Variants in NIBAN1 observed in about 807,000 individuals in gnomAD.
NIBAN1 encodes niban apoptosis regulator 1.
NIBAN1 carries 81 observed loss-of-function variants against 75.1 expected under a neutral mutation model. The observed-to-expected ratio is 1.08, with a 90% confidence interval of 0.90 to 1.30. The LOEUF (loss-of-function observed/expected upper bound fraction) is 1.30. NIBAN1 is among the 50% of genes most tolerant of loss of function. The pLI, the probability that NIBAN1 is intolerant of heterozygous loss-of-function variation, is 0.00. For synonymous variants in NIBAN1, 436 were observed against 424.8 expected (o/e 1.03, Z -0.32); for missense variants, 1,133 against 1,128.1 (o/e 1.00, Z -0.06).
intron 9 of NIBAN1, among the ~76,000 whole-genome samples, chr1:184,817,576 G>A (rs1010840141): frequency 6.6e-6 from 1 of 152,226 alleles, no homozygotes; most frequent in Non-Finnish European, 1.5e-5. Context: ...TAACTGGCAT[G>A]AGGTGATATC....
chr1:184,866,300 T>A (rs979907707), intron 5 of NIBAN1, among the ~76,000 whole-genome samples: 2 of 152,168 alleles, frequency 1.3e-5, no homozygotes, highest in Non-Finnish European at 2.9e-5. Flanking sequence ...CCTGAAAGAT[T>A]AAGAAAGGTG....
chr1:184,819,561 T>A (rs1051742388), intron 8 of NIBAN1, among the ~76,000 whole-genome samples: 1 of 152,202 alleles, frequency 6.6e-6, no homozygotes, highest in Non-Finnish European at 1.5e-5. Context: ...GGGTAGGACA[T>A]GGAAACCTGC....
intron 1 of NIBAN1, among the ~76,000 whole-genome samples, chr1:184,955,496 G>A (rs1017047746): frequency 5.3e-5 from 8 of 151,770 alleles, no homozygotes; most frequent in Non-Finnish European, 7.4e-5. Flanking sequence ...GCACCACCAC[G>A]CCCGGCTAAA....
At chr1:184,854,006 T>C (rs1467341822) in intron 5 of NIBAN1, among the ~76,000 whole-genome samples, 1 of 152,252 alleles carries the variant, frequency 6.6e-6, no homozygotes, top group Non-Finnish European at 1.5e-5. Context: ...AGATTAATGA[T>C]AATGTTTTAT....
chr1:184,827,943 G>C (rs567609847), intron 6 of NIBAN1, among the ~76,000 whole-genome samples: 1 of 151,264 alleles, frequency 6.6e-6, no homozygotes, highest in Non-Finnish European at 1.5e-5. Flanking sequence ...CTAAAAATGC[G>C]GGTAGTTTTG....
intron 1 of NIBAN1, among the ~76,000 whole-genome samples, chr1:184,947,552 C>T (rs976426018): frequency 1.3e-5 from 2 of 152,142 alleles, no homozygotes; most frequent in African/African-American, 4.8e-5. Context: ...GTATATTTTC[C>T]AGCAATAATT....
intron 5 of NIBAN1, among the ~76,000 whole-genome samples, chr1:184,853,098 A>C (rs552762129): frequency 1.3e-5 from 2 of 152,248 alleles, no homozygotes; most frequent in Non-Finnish European, 2.9e-5. Context: ...AAACTATGAA[A>C]TATTACATCA....
In NIBAN1 at chr1:184,829,461, A is replaced by ACTCTTTTTT. The variant is rs1389813381; in HGVS notation, c.717+2385_717+2386insAAAAAAGAG. On this transcript the variant is annotated intron_variant, in intron 6 of 13. Transcript: ENST00000367511. ...CAGAAAGGATTTATTAAATACATAT[A>ACTCTTTTTT]TTCTTTTTTTTTTTTTTTTTTTTGA... is the stretch of plus-strand genomic sequence containing the variant. 3.6e-5 allele frequency among the ~76,000 whole-genome samples: 3 copies of ACTCTTTTTT among 84,020 alleles called. 1 individual carries two copies. The highest frequency in any genetic ancestry group is 8.2e-5 in the Non-Finnish European group (3 of 36,510). 55.1% of individuals were successfully genotyped at this position (84,020 alleles called of 152,430 possible).
At chr1:184,930,315 GA>G (rs1009372922) in intron 1 of NIBAN1, among the ~76,000 whole-genome samples, 2 of 152,194 alleles carry the variant, frequency 1.3e-5, no homozygotes, top group African/African-American at 4.8e-5. Context: ...AGAAATGTTT[GA>G]AATCTGCTCA....
intron 1 of NIBAN1, among the ~76,000 whole-genome samples, chr1:184,954,205 C>CT: frequency 6.6e-6 from 1 of 152,050 alleles, no homozygotes; most frequent in South Asian, 2.1e-4. Flanking sequence ...ACAAAAAGTT[C>CT]AGAAAATATT....
In NIBAN1 at chr1:184,805,058, G is replaced by A. The variant is rs552713761; in HGVS notation, c.1446+888C>T. ...CCGCCTCGGCCTCCCAAAGTGCTGG[G>A]ATTACAGGCGTGAGCCACTGTGCCC... On this transcript the variant is annotated intron_variant, in intron 11 of 13. Coordinates refer to ENST00000367511, the MANE Select transcript of NIBAN1 (RefSeq NM_052966.4). Among the ~76,000 whole-genome samples the A allele has an allele frequency of 1.4e-3, 218 of 152,318 alleles. 2 individuals carry two copies. Among genetic ancestry groups the A allele is most frequent in the Middle Eastern group, 6.8e-3 (2 of 294 alleles).
chr1:184,889,455 C>A (rs985757056), intron 4 of NIBAN1, among the ~76,000 whole-genome samples: 2 of 151,758 alleles, frequency 1.3e-5, no homozygotes, highest in African/African-American at 4.8e-5. Context: ...TTTTTTTTCA[C>A]AGTAGCTATG....
intron 2 of NIBAN1, among the ~76,000 whole-genome samples, chr1:184,896,859 G>A (rs1384632771): frequency 6.6e-6 from 1 of 152,062 alleles, no homozygotes; most frequent in Non-Finnish European, 1.5e-5. Flanking sequence ...TTGTAGGTAT[G>A]TGGCTTTATT....
chr1:184,802,747 G>T (rs867150248), intron 12 of NIBAN1, among the ~76,000 whole-genome samples: 3 of 152,090 alleles, frequency 2.0e-5, no homozygotes, highest in Non-Finnish European at 4.4e-5. Flanking sequence ...GCTCCAAAAC[G>T]GAGCAGGCCT....
intron 1 of NIBAN1, among the ~76,000 whole-genome samples, chr1:184,925,003 T>G (rs1471925362): frequency 6.6e-6 from 1 of 152,218 alleles, no homozygotes; most frequent in African/African-American, 2.4e-5. Context: ...GTATTGTTTT[T>G]TCATTTCCAT....
rs780521763 is a variant in NIBAN1 at position 184,831,863 on chromosome 1, G to T, written c.701C>A (p.Thr234Asn). 8 of 1,613,900 alleles carry T rather than the reference G, an allele frequency of 5.0e-6. No homozygotes were observed. The East Asian group carries it at 1.8e-4, about 36-fold the overall frequency. Residue 234 changes from threonine to asparagine, a missense_variant, in exon 6 of 14, where the codon ACT becomes AAT. Coordinates refer to ENST00000367511, the MANE Select transcript of NIBAN1 (RefSeq NM_052966.4). Reference protein sequence around the residue: ...KGHYGSWEMITGDEIQILSNL... With the variant: ...KGHYGSWEMINGDEIQILSNL... The stretch of plus-strand genomic sequence containing the variant: ...CCATATTACCTGGATTTCATCCCCA[G>T]TGATCATTTCCCAGGAACCATAGTG...
chr1:184,964,418 T>A (rs1658726783), intron 1 of NIBAN1, among the ~76,000 whole-genome samples: 2 of 152,206 alleles, frequency 1.3e-5, no homozygotes, highest in East Asian at 1.9e-4. Flanking sequence ...ACTGTGACCA[T>A]CTGGGAGGCA....
chr1:184,808,135 C>A lies in NIBAN1; in HGVS notation c.1274G>T (p.Ser425Ile). The change falls in exon 10 of 14, where the codon AGC (serine) becomes ATC (isoleucine). Residue 425 changes from serine to isoleucine, a missense_variant. Transcript: ENST00000367511. ...ATCAATGTGGGGGAATCTGAAGCGG[C>A]TCTTGAGATCCTGCAGGCGCTCGTG... ...LLHERLQDLK[S>I]RFRFPHIDLV... 1 of 1,614,074 alleles carries A rather than the reference C, an allele frequency of 6.2e-7. No homozygotes were observed. The highest frequency in any genetic ancestry group is 8.5e-7 in the Non-Finnish European group (1 of 1,179,998).
intron 12 of NIBAN1, among the ~76,000 whole-genome samples, chr1:184,801,943 C>T (rs1654057254): frequency 6.6e-6 from 1 of 152,124 alleles, no homozygotes; most frequent in South Asian, 2.1e-4. Flanking sequence ...CTTCCCTGGG[C>T]CAATTAATTT....
Sources: gnomAD v4.1 joint callset for allele counts (sites outside exome capture counted in the v4.1 genomes callset) on GRCh38, gnomAD v4.1.1 for gene constraint, MANE v1.5 for transcripts, NCBI Gene and HGNC (gene_info 2026-07-23, HGNC 2026-07-21) for gene names.